SSBP2: variants seen among roughly 807,000 people sequenced by gnomAD.
SSBP2 encodes the protein single-stranded DNA-binding protein 2.
SSBP2 carries 17 observed loss-of-function variants against 61.8 expected under a neutral mutation model. That is an observed-to-expected ratio of 0.28 (90% CI 0.19 to 0.41). SSBP2 has a LOEUF of 0.41. Ranked by LOEUF, SSBP2 falls within the 10% of genes least tolerant of loss-of-function variation. The pLI is 1.00. For synonymous variants in SSBP2, 139 were observed against 141.3 expected (o/e 0.98, Z 0.12); for missense variants, 310 against 458.7 (o/e 0.68, Z 2.96).
Position 81,708,116 on chromosome 5 carries a change from T to C in SSBP2, c.62+42865A>G, listed in dbSNP as rs182395866. ...CTATAACCCCCCGCTAAGACACAGC[T>C]ATTACTGATAGCTCACATAATAATG... On this transcript the variant is annotated intron_variant, in intron 1 of 16. Coordinates refer to ENST00000320672, the MANE Select transcript of SSBP2 (RefSeq NM_012446.5). Among the ~76,000 whole-genome samples, 180 of 152,280 alleles carry C rather than the reference T, an allele frequency of 1.2e-3. 1 individual carries two copies. Among genetic ancestry groups the C allele is most frequent in the Admixed American group, 3.8e-3 (58 of 15,286 alleles).
intron 1 of SSBP2, among the ~76,000 whole-genome samples, chr5:81,706,465 C>T (rs1040054133): frequency 1.3e-5 from 2 of 152,080 alleles, no homozygotes; most frequent in African/African-American, 4.8e-5. Context: ...TGTACATGTA[C>T]CCTCAAATCT....
At position 81,417,842 on chromosome 5, in the gene SSBP2, C is replaced by A; in HGVS notation, c.*2662G>T. 1 of 149,302 alleles carries A rather than the reference C, an allele frequency of 6.7e-6. No individual in the cohort carries two copies. The highest frequency in any genetic ancestry group is 2.5e-5 in the African/African-American group (1 of 40,466). 9.2% of individuals were successfully genotyped at this position (149,302 alleles called of 1,614,324 possible). Reference sequence around the variant, plus strand: ...AAATAACTCTTTTTAATCTGGGCTCCAAGAAGAAAAAAGAAATAAATACTT... The same window carrying A: ...AAATAACTCTTTTTAATCTGGGCTCAAAGAAGAAAAAAGAAATAAATACTT... On this transcript the variant is annotated 3_prime_UTR_variant, in exon 17 of 17. Coordinates refer to ENST00000320672, the MANE Select transcript of SSBP2 (RefSeq NM_012446.5).
At chr5:81,487,995 T>A (rs1468634825) in intron 6 of SSBP2, among the ~76,000 whole-genome samples, 1 of 120,424 alleles carries the variant, frequency 8.3e-6, no homozygotes, top group East Asian at 2.8e-4. Context: ...ATTTCCTTCT[T>A]GTTTATGGCC....
At chr5:81,514,552 C>G (rs138950167) in intron 4 of SSBP2, among the ~76,000 whole-genome samples, 116 of 152,066 alleles carry the variant, frequency 7.6e-4, no homozygotes, top group South Asian at 2.5e-3. Flanking sequence ...AGACATATTA[C>G]AAATACTAAA....
chr5:81,433,606 AAAAG>A (rs1561392574), intron 15 of SSBP2, among the ~76,000 whole-genome samples: 3 of 150,756 alleles, frequency 2.0e-5, no homozygotes, highest in South Asian at 2.1e-4. Context: ...AAAAAAAAAA[AAAAG>A]AAAGAAAACA....
chr5:81,461,298 C>T (rs1188891350), intron 9 of SSBP2, among the ~76,000 whole-genome samples, 195 bp from the exon 10 acceptor site: 3 of 151,746 alleles, frequency 2.0e-5, no homozygotes, highest in African/African-American at 7.3e-5. Flanking sequence ...AGTTTTCTTC[C>T]CAAATTGAAC....
At chr5:81,730,581 T>C (rs1480914419) in intron 1 of SSBP2, among the ~76,000 whole-genome samples, 1 of 152,224 alleles carries the variant, frequency 6.6e-6, no homozygotes, top group Non-Finnish European at 1.5e-5. Flanking sequence ...CAGTTTTACT[T>C]GAGCTTCAGC....
At chr5:81,426,506 G>A (rs577705120) in intron 16 of SSBP2, among the ~76,000 whole-genome samples, 3 of 152,312 alleles carry the variant, frequency 2.0e-5, no homozygotes, top group South Asian at 2.1e-4. Context: ...CATTGAACCC[G>A]CTTAAGTTCA....
chr5:81,570,682 G>A (rs143957900), intron 4 of SSBP2, among the ~76,000 whole-genome samples: 11 of 138,374 alleles, frequency 7.9e-5, no homozygotes, highest in African/African-American at 2.9e-4. Context: ...CACAGAAAGC[G>A]TAAAATAATT....
intron 6 of SSBP2, among the ~76,000 whole-genome samples, chr5:81,475,729 T>C (rs1765540688): frequency 6.6e-6 from 1 of 152,126 alleles, no homozygotes; most frequent in Non-Finnish European, 1.5e-5. Flanking sequence ...TACAGACCCT[T>C]AAGTAGTTAT....
intron 1 of SSBP2, among the ~76,000 whole-genome samples, chr5:81,681,504 A>C (rs1482205610): frequency 6.9e-6 from 1 of 145,210 alleles, no homozygotes; most frequent in Admixed American, 6.9e-5. Context: ...TAGGCAACAG[A>C]GCCAGGCTCC....
At chr5:81,450,645 C>T (rs1484454311) in intron 10 of SSBP2, among the ~76,000 whole-genome samples, 2 of 152,168 alleles carry the variant, frequency 1.3e-5, no homozygotes, top group Non-Finnish European at 2.9e-5. Flanking sequence ...ATGACACTTA[C>T]AAAAATTACT....
intron 2 of SSBP2, among the ~76,000 whole-genome samples, chr5:81,641,063 T>C (rs1426092855): frequency 1.3e-5 from 2 of 152,172 alleles, no homozygotes; most frequent in Admixed American, 6.5e-5. Flanking sequence ...CAATGTGACA[T>C]AGCTTATGGA....
chr5:81,485,502 T>C (rs555670468), intron 6 of SSBP2, among the ~76,000 whole-genome samples: 2 of 152,218 alleles, frequency 1.3e-5, no homozygotes, highest in Non-Finnish European at 2.9e-5. Context: ...AAAATCTGTT[T>C]ATTAAAGAGA....
intron 4 of SSBP2, among the ~76,000 whole-genome samples, chr5:81,541,531 C>T (rs1771271086): frequency 6.6e-6 from 1 of 151,920 alleles, no homozygotes; most frequent in Admixed American, 6.6e-5. Flanking sequence ...TACTATAAGG[C>T]TACAATAAGC....
In SSBP2 at chr5:81,419,695, A is replaced by G. The variant is rs1761481698; in HGVS notation, c.*809T>C. The G allele has an allele frequency of 6.6e-6, 1 of 152,240 alleles. No individual in the cohort carries two copies. 9.4% of individuals were successfully genotyped at this position (152,240 alleles called of 1,614,324 possible). ...CTATTTAATGATTTCTGTATCATCT[A>G]AGACAAACAAATCAAGAACTCCGTT... On this transcript the variant is annotated 3_prime_UTR_variant, in exon 17 of 17. Coordinates refer to ENST00000320672, the MANE Select transcript of SSBP2 (RefSeq NM_012446.5).
intron 4 of SSBP2, among the ~76,000 whole-genome samples, chr5:81,552,243 T>C (rs1159472294): frequency 2.0e-5 from 3 of 152,312 alleles, no homozygotes; most frequent in African/African-American, 7.2e-5. Context: ...TGGGTTCATA[T>C]AATATGTATT....
chr5:81,648,451 A>G (rs1749457749), intron 2 of SSBP2, among the ~76,000 whole-genome samples: 1 of 152,124 alleles, frequency 6.6e-6, no homozygotes, highest in Non-Finnish European at 1.5e-5. Context: ...CAGTTCACAT[A>G]TACTAGTTAA....
intron 6 of SSBP2, among the ~76,000 whole-genome samples, chr5:81,488,034 T>TAC (rs1766533641): frequency 5.9e-5 from 1 of 16,874 alleles, no homozygotes; most frequent in Non-Finnish European, 1.1e-4. Flanking sequence ...TATATATATA[T>TAC]ATATATATAT....
Sources: gnomAD v4.1 joint callset for allele counts (sites outside exome capture counted in the v4.1 genomes callset) on GRCh38, gnomAD v4.1.1 for gene constraint, MANE v1.5 for transcripts, NCBI Gene and HGNC (gene_info 2026-07-23, HGNC 2026-07-21) for gene names.